The following FCHSD2 variants were observed in gnomAD, a reference collection of about 807,000 sequenced individuals.
FCHSD2 encodes FCH and double SH3 domains 2.
FCHSD2 carries 38 observed loss-of-function variants against 108.1 expected under a neutral mutation model. That is an observed-to-expected ratio of 0.35 (90% CI 0.27 to 0.46). The LOEUF is 0.46. FCHSD2 is among the 20% of genes least tolerant of loss of function. The pLI is 1.00. For synonymous variants in FCHSD2, 279 were observed against 314.7 expected (o/e 0.89, Z 1.20); for missense variants, 751 against 897.8 (o/e 0.84, Z 2.09).
At chr11:73,057,253 G>A (rs1435176252) in intron 3 of FCHSD2, among the ~76,000 whole-genome samples, 2 of 152,050 alleles carry the variant, frequency 1.3e-5, no homozygotes, top group African/African-American at 2.4e-5. Context: ...TTAAGTGACC[G>A]GCATAGTACC....
chr11:73,059,347 G>T (rs987172103), intron 3 of FCHSD2, among the ~76,000 whole-genome samples: 4 of 152,008 alleles, frequency 2.6e-5, no homozygotes, highest in African/African-American at 9.7e-5. Flanking sequence ...TTTAAAAAAG[G>T]AATTTTAAAA....
At position 73,044,447 on chromosome 11, in the gene FCHSD2, G is replaced by A. The variant is rs113852908; in HGVS notation, c.166-28562C>T. On this transcript the variant is annotated intron_variant, in intron 3 of 19. Transcript: ENST00000409418. Reference sequence around the variant, plus strand: ...ATTTAAAAATTAGATGGGCATGGTGGCACACACCTATAGTCCTAGCTACTC... The same window carrying A: ...ATTTAAAAATTAGATGGGCATGGTGACACACACCTATAGTCCTAGCTACTC... Among the ~76,000 whole-genome samples, 732 of 152,112 alleles carry A rather than the reference G, an allele frequency of 4.8e-3. 1 individual carries two copies. The highest frequency in any genetic ancestry group is 0.017 in the African/African-American group (710 of 41,472).
chr11:72,854,614 G>T (rs1415776951), intron 13 of FCHSD2, among the ~76,000 whole-genome samples: 1 of 152,204 alleles, frequency 6.6e-6, no homozygotes, highest in Non-Finnish European at 1.5e-5. Flanking sequence ...TCTTAAAAAG[G>T]AGGGAAATTT....
chr11:73,063,939 C>A (rs1445716088), intron 3 of FCHSD2, among the ~76,000 whole-genome samples: 1 of 152,132 alleles, frequency 6.6e-6, no homozygotes, highest in East Asian at 1.9e-4. Flanking sequence ...GCCAAGCAGA[C>A]CTAATAGGCA....
intron 10 of FCHSD2, 120 bp downstream of exon 10, chr11:72,902,423 T>C (rs1293020606): frequency 7.1e-6 from 4 of 565,052 alleles, no homozygotes. Flanking sequence ...CCTCACAGTT[T>C]TGTTATAAAA....
intron 3 of FCHSD2, among the ~76,000 whole-genome samples, chr11:73,045,909 A>G (rs1344460338): frequency 1.3e-5 from 2 of 152,152 alleles, no homozygotes; most frequent in Non-Finnish European, 2.9e-5. Context: ...CTAAAACTTA[A>G]AGTATAATAA....
chr11:72,853,194 A>C (rs1371549956), intron 13 of FCHSD2, among the ~76,000 whole-genome samples: 1 of 152,190 alleles, frequency 6.6e-6, no homozygotes, highest in Non-Finnish European at 1.5e-5. Flanking sequence ...AAACCTTCAC[A>C]TACATGATTA....
intron 2 of FCHSD2, among the ~76,000 whole-genome samples, chr11:73,106,625 GTAACA>G (rs144867398): frequency 0.022 from 3,302 of 152,042 alleles, 76 homozygotes; most frequent in African/African-American, 0.059. Context: ...AATAAATACA[GTAACA>G]TAACATTTCC....
intron 8 of FCHSD2, among the ~76,000 whole-genome samples, chr11:72,960,399 T>C (rs915551942): frequency 1.3e-5 from 2 of 152,224 alleles, no homozygotes; most frequent in Non-Finnish European, 1.5e-5. Flanking sequence ...ATGGAATATA[T>C]GCTCTAGTCT....
chr11:73,103,613 A>G (rs1478013908), intron 2 of FCHSD2, among the ~76,000 whole-genome samples: 1 of 152,232 alleles, frequency 6.6e-6, no homozygotes, highest in East Asian at 1.9e-4. Flanking sequence ...GCTTTATGCC[A>G]ACACACAGTT....
chr11:72,949,662 A>G (rs1438681280), intron 8 of FCHSD2, among the ~76,000 whole-genome samples: 1 of 152,158 alleles, frequency 6.6e-6, no homozygotes, highest in Non-Finnish European at 1.5e-5. Context: ...TTCACTTAAC[A>G]CAATGTTTTC....
At chr11:73,107,567 C>G (rs557380608) in intron 2 of FCHSD2, among the ~76,000 whole-genome samples, 1 of 152,164 alleles carries the variant, frequency 6.6e-6, no homozygotes, top group East Asian at 1.9e-4. Flanking sequence ...TACCCATTAA[C>G]CATCCTCACT....
At chr11:72,969,296 G>C (rs1455857510) in intron 8 of FCHSD2, among the ~76,000 whole-genome samples, 1 of 152,176 alleles carries the variant, frequency 6.6e-6, no homozygotes, top group Non-Finnish European at 1.5e-5. Flanking sequence ...TGTTAGAATG[G>C]TTTCATTTAA....
At chr11:72,953,330 T>C (rs747033485) in intron 8 of FCHSD2, among the ~76,000 whole-genome samples, 1 of 152,220 alleles carries the variant, frequency 6.6e-6, no homozygotes, top group African/African-American at 2.4e-5. Flanking sequence ...AATTCCTTTT[T>C]CACAATTTCT....
intron 8 of FCHSD2, chr11:72,940,469 G>A: frequency 1.5e-6 from 1 of 680,738 alleles, no homozygotes; most frequent in Non-Finnish European, 2.6e-6. Context: ...TTTCCTTTCT[G>A]TCTGGCAGTA....
chr11:72,886,047 C>A (rs1252957370), intron 12 of FCHSD2, among the ~76,000 whole-genome samples: 2 of 152,134 alleles, frequency 1.3e-5, no homozygotes, highest in Non-Finnish European at 2.9e-5. Flanking sequence ...CTCCCTTCAC[C>A]CCACAACCAG....
At chr11:72,997,004 C>A (rs1024432053) in intron 5 of FCHSD2, among the ~76,000 whole-genome samples, 2 of 151,944 alleles carry the variant, frequency 1.3e-5, no homozygotes, top group African/African-American at 4.8e-5. Context: ...TTTAGGGATG[C>A]CAAAAGAACA....
chr11:73,052,282 G>T (rs535151290), intron 3 of FCHSD2, among the ~76,000 whole-genome samples: 93 of 152,222 alleles, frequency 6.1e-4, no homozygotes, highest in Middle Eastern at 3.4e-3. Flanking sequence ...TTGTGTAACG[G>T]TATATTCTGA....
intron 5 of FCHSD2, among the ~76,000 whole-genome samples, chr11:72,999,671 A>T (rs1388474541): frequency 6.6e-6 from 1 of 152,196 alleles, no homozygotes; most frequent in Non-Finnish European, 1.5e-5. Flanking sequence ...GTCTGAGATT[A>T]CTTCATCAAT....
Sources: gnomAD v4.1 joint callset for allele counts (sites outside exome capture counted in the v4.1 genomes callset) on GRCh38, gnomAD v4.1.1 for gene constraint, MANE v1.5 for transcripts, NCBI Gene and HGNC (gene_info 2026-07-23, HGNC 2026-07-21) for gene names.